KCNQ1: variants seen among roughly 807,000 people sequenced by gnomAD.
KCNQ1 encodes the protein potassium voltage-gated channel subfamily KQT member 1.
Under a neutral mutation model 72.4 loss-of-function variants are expected in KCNQ1, and 49 were observed. The observed-to-expected ratio is 0.68, with a 90% confidence interval of 0.54 to 0.86. The LOEUF (loss-of-function observed/expected upper bound fraction) is 0.86. Ranked by LOEUF, KCNQ1 falls within the 40% of genes least tolerant of loss-of-function variation. The probability of loss-of-function intolerance (pLI) is 0.00; values close to 1 mark genes in which losing one functional copy is unlikely to be tolerated. For missense variants in KCNQ1, 790 were observed against 945.1 expected (o/e 0.84, Z 2.15); for synonymous variants, 450 against 412.6 (o/e 1.09, Z -1.10).
At position 2,501,752 on chromosome 11, in the gene KCNQ1, C is replaced by G. The variant is rs543768178; in HGVS notation, c.387-26176C>G. Among the ~76,000 whole-genome samples, 48 of 112,164 alleles carry G rather than the reference C, an allele frequency of 4.3e-4. 1 individual carries two copies. The highest frequency in any genetic ancestry group is 7.8e-4 in the Non-Finnish European group (40 of 51,324). The allele number at this position is 112,164 out of a possible 152,430, so 73.6% of individuals were successfully genotyped here. A position where few individuals can be genotyped will look rare whatever the true frequency, so the allele number is the denominator to read the frequency against. ...AAAAAAAAAAAAAAAAAAAAAGGAA[C>G]CACGGGCCAATATCCCTGATAAATA... On this transcript the variant is annotated intron_variant, in intron 1 of 15. Transcript: ENST00000155840.
At chr11:2,845,107 C>T (rs951594109) in intron 15 of KCNQ1, among the ~76,000 whole-genome samples, 5 of 152,150 alleles carry the variant, frequency 3.3e-5, no homozygotes, top group Non-Finnish European at 5.9e-5. Context: ...ATGAGCAGGT[C>T]GTGGGACTGA....
intron 15 of KCNQ1, among the ~76,000 whole-genome samples, chr11:2,814,907 C>T (rs982881798): frequency 6.6e-6 from 1 of 152,200 alleles, no homozygotes; most frequent in Non-Finnish European, 1.5e-5. Context: ...TCAGGCTGAC[C>T]CAGCTGCCTC....
rs1850426606 is a variant in KCNQ1, at chr11:2,683,138, G to T, written c.1514+21057G>T. On this transcript the variant is annotated intron_variant, in intron 11 of 15. Coordinates refer to ENST00000155840, the MANE Select transcript of KCNQ1 (RefSeq NM_000218.3). The surrounding 1 kb of genome is among the most constrained non-coding windows in gnomAD (Gnocchi z 4.7). Reference sequence around the variant, plus strand: ...TCGCACCAACTCAGGAGGGTGTGGGGATGGGCTAGCATTAGGAATGGGTAT... The same window carrying T: ...TCGCACCAACTCAGGAGGGTGTGGGTATGGGCTAGCATTAGGAATGGGTAT... 4 of 398,448 alleles carry T rather than the reference G, an allele frequency of 1.0e-5. No homozygotes were observed. In the South Asian group the frequency reaches 5.1e-4, roughly 51 times the overall value. 24.7% of individuals were successfully genotyped at this position (398,448 alleles called of 1,614,324 possible).
intron 15 of KCNQ1, among the ~76,000 whole-genome samples, chr11:2,822,340 G>T (rs771025787): frequency 6.6e-6 from 1 of 152,186 alleles, no homozygotes; most frequent in Non-Finnish European, 1.5e-5. Context: ...CCAGCACAGC[G>T]CCAGGCCCTG....
At position 2,572,117 on chromosome 11, in the gene KCNQ1, G is replaced by T; in HGVS notation, c.780+8G>T. ...GTCTTCATCCACCGCCAGGTGGGTG[G>T]CCCGGGTTAGGGGTGCGGGGCCCAG... is the stretch of plus-strand genomic sequence containing the variant. On this transcript the variant is annotated splice_region_variant and intron_variant, in intron 5 of 15. Coordinates refer to ENST00000155840, the MANE Select transcript of KCNQ1 (RefSeq NM_000218.3). The T allele has an allele frequency of 6.2e-7, 1 of 1,606,286 alleles. No homozygotes were observed.
intron 15 of KCNQ1, among the ~76,000 whole-genome samples, chr11:2,836,569 C>T (rs538351346): frequency 1.3e-5 from 2 of 152,332 alleles, no homozygotes; most frequent in East Asian, 1.9e-4. Flanking sequence ...TCAGCCTCCA[C>T]GCCCACCAGC....
chr11:2,465,031 T>C (rs958264061), intron 1 of KCNQ1, among the ~76,000 whole-genome samples: 5 of 152,244 alleles, frequency 3.3e-5, no homozygotes, highest in African/African-American at 1.2e-4. Flanking sequence ...CTTTCCCCCA[T>C]CTGTAAAATG....
Position 2,633,662 on chromosome 11 carries a change from A to G in KCNQ1, c.1394-28299A>G, listed in dbSNP as rs150186185. On this transcript the variant is annotated intron_variant, in intron 10 of 15. Coordinates refer to ENST00000155840, the MANE Select transcript of KCNQ1 (RefSeq NM_000218.3). ...TGTGTTCTTGGCACCTTTGTCAAAA[A>G]CCAGTTGTCTGTAAATAAATTTATT... 2,095 of 398,490 alleles carry G rather than the reference A, an allele frequency of 5.3e-3. 85 individuals are homozygous for G. The East Asian group carries it at 0.072, about 14-fold the overall frequency. The allele number at this position is 398,490 out of a possible 1,614,324, so 24.7% of individuals were successfully genotyped here.
chr11:2,807,620 G>A (rs1295160606), intron 15 of KCNQ1, among the ~76,000 whole-genome samples: 2 of 152,026 alleles, frequency 1.3e-5, no homozygotes, highest in African/African-American at 2.4e-5. Context: ...TCCGCAACCC[G>A]CGCCAGGACA....
In KCNQ1 at chr11:2,617,446, C is replaced by T. The variant is rs1849085375; in HGVS notation, c.1393+28592C>T. The T allele has an allele frequency of 2.5e-6, 1 of 398,426 alleles. No individual in the cohort carries two copies. Among genetic ancestry groups the T allele is most frequent in the Non-Finnish European group, 4.4e-6 (1 of 225,946 alleles). 24.7% of individuals were successfully genotyped at this position (398,426 alleles called of 1,614,324 possible). A position where few individuals can be genotyped will look rare whatever the true frequency, so the allele number is the denominator to read the frequency against. ...AATAATATTCCATTGTAGACATACA[C>T]ACCACAGTTTAGTCATCCATCAATG... On this transcript the variant is annotated intron_variant, in intron 10 of 15. Coordinates refer to ENST00000155840, the MANE Select transcript of KCNQ1 (RefSeq NM_000218.3). This position sits in a 1 kb window ranked among gnomAD's most constrained non-coding sequence, Gnocchi z 4.6.
chr11:2,725,032 G>A lies in KCNQ1; in HGVS notation c.1515-43812G>A, dbSNP rs1357791923. 6.6e-6 allele frequency among the ~76,000 whole-genome samples: 1 copy of A among 152,184 alleles called. No homozygotes were observed. The highest frequency in any genetic ancestry group is 2.4e-5 in the African/African-American group (1 of 41,454). ...CCTGTCCGTTTAAGAAAAGCCTGTG[G>A]GCCCAATAGAGAAGCACAGGGTCTG... On this transcript the variant is annotated intron_variant, in intron 11 of 15. Transcript: ENST00000155840. The surrounding 1 kb of genome is among the most constrained non-coding windows in gnomAD (Gnocchi z 7.2).
At chr11:2,675,754 G>A (rs925319007) in intron 11 of KCNQ1, 29 of 398,588 alleles carry the variant, frequency 7.3e-5, no homozygotes, top group Non-Finnish European at 1.1e-4. Flanking sequence ...ATGAACCAGA[G>A]ACTCACAGCA....
At position 2,462,632 on chromosome 11, in the gene KCNQ1, C is replaced by T. The variant is rs541428044; in HGVS notation, c.386+17148C>T. On this transcript the variant is annotated intron_variant, in intron 1 of 15. Transcript: ENST00000155840. This position sits in a 1 kb window ranked among gnomAD's most constrained non-coding sequence, Gnocchi z 8.2. The stretch of plus-strand genomic sequence containing the variant: ...TGCTTTCTGCTGACTTCTGTGTGCC[C>T]TGGGGCCTGCTCTCTTGGTAGGGGT... Among the ~76,000 whole-genome samples the T allele has an allele frequency of 1.3e-5, 2 of 152,084 alleles. No homozygotes were observed. Among genetic ancestry groups the T allele is most frequent in the South Asian group, 4.2e-4 (2 of 4,812 alleles).
At chr11:2,572,139 C>A in intron 5 of KCNQ1, 30 bp downstream of exon 5, 1 of 1,548,792 alleles carries the variant, frequency 6.5e-7, no homozygotes, top group Non-Finnish European at 8.9e-7. Context: ...GGTGCGGGGC[C>A]CAGGTTGGGG....
chr11:2,735,685 CA>C lies in KCNQ1; in HGVS notation c.1515-33158del, dbSNP rs1328885562. ...TTTAAACAGCAGGCATTCATCCCCTCACAGCCCTGGAGGCTGGAGTCCAAGG... is the reference window on the plus strand; with the variant it reads ...TTTAAACAGCAGGCATTCATCCCCTCCAGCCCTGGAGGCTGGAGTCCAAGG... On this transcript the variant is annotated intron_variant, in intron 11 of 15. Coordinates refer to ENST00000155840, the MANE Select transcript of KCNQ1 (RefSeq NM_000218.3). This position sits in a 1 kb window ranked among gnomAD's most constrained non-coding sequence, Gnocchi z 7.7. Among the ~76,000 whole-genome samples, 1 of 152,028 alleles carries C rather than the reference CA, an allele frequency of 6.6e-6. No individual in the cohort carries two copies. Among genetic ancestry groups the C allele is most frequent in the Non-Finnish European group, 1.5e-5 (1 of 67,998 alleles).
intron 11 of KCNQ1, chr11:2,686,209 A>T: frequency 5.0e-6 from 2 of 398,758 alleles, no homozygotes; most frequent in Non-Finnish European, 8.8e-6. Flanking sequence ...CCCTGCTCCA[A>T]CCTAGCTGTG....
intron 6 of KCNQ1, among the ~76,000 whole-genome samples, chr11:2,578,861 C>A (rs1848459451): frequency 6.6e-6 from 1 of 152,248 alleles, no homozygotes; most frequent in South Asian, 2.1e-4. Flanking sequence ...AACGTGGGTC[C>A]TGCAGGCCTT....
intron 15 of KCNQ1, among the ~76,000 whole-genome samples, chr11:2,804,017 A>T (rs559571680): frequency 6.6e-6 from 1 of 152,256 alleles, no homozygotes; most frequent in South Asian, 2.1e-4. Flanking sequence ...TCGAAGGCAG[A>T]GGGGAAAGGA....
intron 14 of KCNQ1, chr11:2,777,645 G>A: frequency 3.4e-6 from 2 of 590,990 alleles, no homozygotes; most frequent in Non-Finnish European, 6.0e-6. Context: ...CCAGCCTGGA[G>A]TCAGGCCTGT....
Sources: allele counts gnomAD v4.1 joint callset (sites outside exome capture counted in the v4.1 genomes callset), GRCh38; gene constraint gnomAD v4.1.1; non-coding constraint Gnocchi (gnomAD v3.1); transcripts MANE v1.5; gene names NCBI Gene and HGNC (gene_info 2026-07-23, HGNC 2026-07-21).